ATM: variants seen among roughly 807,000 people sequenced by gnomAD.
ATM encodes the protein ATM serine/threonine kinase.
A neutral mutation model predicts 387.0 loss-of-function variants in ATM; 308 were observed. The observed-to-expected ratio is 0.80, with a 90% CI of 0.73 to 0.87. The LOEUF (loss-of-function observed/expected upper bound fraction) is 0.87. Among genes scored for constraint, ATM ranks in the 40% least tolerant of loss-of-function variants. ATM has a pLI of 0.00. For synonymous variants in ATM, 1,156 were observed against 1,187.3 expected (o/e 0.97, Z 0.54); for missense variants, 3,312 against 3,560.9 (o/e 0.93, Z 1.78).
At chr11:108,355,390 G>T in intron 61 of ATM, 1 of 168,772 alleles carries the variant, frequency 5.9e-6, no homozygotes, top group Admixed American at 5.6e-5. Context: ...ACCTGAATAG[G>T]GTTTGGGCCT....
chr11:108,344,378 G>A (rs1290502262), intron 57 of ATM, among the ~76,000 whole-genome samples: 1 of 152,148 alleles, frequency 6.6e-6, no homozygotes. Context: ...ACATGAGCAG[G>A]AAAAGACAAC....
chr11:108,336,000 T>C (rs1287277114), intron 56 of ATM, 39 bp downstream of exon 56: 9 of 1,489,062 alleles, frequency 6.0e-6, no homozygotes, highest in African/African-American at 2.8e-5. Context: ...CAAAAACATA[T>C]AAAAGATGCC....
chr11:108,277,386 G>T (rs949507498), intron 22 of ATM, among the ~76,000 whole-genome samples: 1 of 152,100 alleles, frequency 6.6e-6, no homozygotes, highest in East Asian at 1.9e-4. Flanking sequence ...GGTCCGTCTC[G>T]CTGGCGTTCC....
chr11:108,325,967 A>T, intron 46 of ATM, 91 bp from the exon 47 acceptor site: 3 of 1,482,124 alleles, frequency 2.0e-6, no homozygotes, highest in Non-Finnish European at 2.8e-6. Flanking sequence ...GTCCTCAATG[A>T]ATGGTAGTTG....
chr11:108,255,808 A>C (rs1284753612), intron 13 of ATM, among the ~76,000 whole-genome samples: 2 of 152,220 alleles, frequency 1.3e-5, no homozygotes, highest in African/African-American at 2.4e-5. Context: ...CAAGGTTCCT[A>C]TTCTTCAGAA....
Position 108,249,059 on chromosome 11 carries a change from G to A in ATM, c.1192G>A (p.Asp398Asn), listed in dbSNP as rs876658833. 1.2e-6 allele frequency: 2 copies of A among 1,613,870 alleles called. No individual in the cohort carries two copies. Among genetic ancestry groups the A allele is most frequent in the Admixed American group, 3.3e-5 (2 of 59,992 alleles). Residue 398 changes from aspartate (D) to asparagine (N), a missense_variant, in exon 9 of 63, where the codon GAT becomes AAT. Physicochemically the swap from Asp to Asn is conservative, Grantham distance 23. Transcript: ENST00000675843. ...KIELGWEVIK[D>N]HLQKSQNDFD... ...AGAACTAGGCTGGGAAGTAATAAAA[G>A]ATCACCTTCAGAAGTCACAGAATGA...
chr11:108,305,504 C>A (rs576680513), intron 37 of ATM, among the ~76,000 whole-genome samples: 3 of 152,066 alleles, frequency 2.0e-5, no homozygotes. Context: ...CACTTGAACT[C>A]AGGAGGTAGA....
rs730881322 is a variant in ATM, at chr11:108,343,249, G to C, written c.8296G>C (p.Val2766Leu). The C allele has an allele frequency of 1.9e-6, 3 of 1,614,008 alleles. No homozygotes were observed. Among genetic ancestry groups the C allele is most frequent in the Non-Finnish European group, 2.5e-6 (3 of 1,179,928 alleles). ...KVVPLSQRSG[V>L]LEWCTGTVPI... ...GGTTCCCCTCTCTCAGCGAAGTGGT[G>C]TTCTTGAATGGTGCACAGGAACTGT... Residue 2766 changes from valine to leucine, a missense_variant, in exon 57 of 63, where the codon GTT becomes CTT. Coordinates refer to ENST00000675843, the MANE Select transcript of ATM (RefSeq NM_000051.4).
At chr11:108,311,561 A>T (rs1214241454) in intron 39 of ATM, among the ~76,000 whole-genome samples, 2 of 152,082 alleles carry the variant, frequency 1.3e-5, no homozygotes, top group Admixed American at 1.3e-4. Flanking sequence ...AGCTGGGCAT[A>T]GTGGCCTGCA....
At chr11:108,301,225 C>T (rs1216178022) in intron 34 of ATM, among the ~76,000 whole-genome samples, 3 of 152,106 alleles carry the variant, frequency 2.0e-5, no homozygotes, top group Non-Finnish European at 4.4e-5. Context: ...GTGACTTCAA[C>T]TTAAGAATAC....
At chr11:108,271,769 A>G (rs2081596231) in intron 20 of ATM, among the ~76,000 whole-genome samples, 1 of 152,234 alleles carries the variant, frequency 6.6e-6, no homozygotes, top group South Asian at 2.1e-4. Flanking sequence ...TCACATTCCA[A>G]GATAACACCC....
At chr11:108,266,312 T>C (rs1184041907) in intron 16 of ATM, among the ~76,000 whole-genome samples, 2 of 151,858 alleles carry the variant, frequency 1.3e-5, no homozygotes, top group African/African-American at 2.4e-5. Flanking sequence ...CCATAAAAAA[T>C]GATGAGTTCA....
chr11:108,256,355 A>G lies in ATM; in HGVS notation c.2250+15A>G, dbSNP rs1057523706. 4.4e-6 allele frequency: 7 copies of G among 1,604,152 alleles called. No individual in the cohort carries two copies. Among genetic ancestry groups the G allele is most frequent in the South Asian group, 3.3e-5 (3 of 90,458 alleles). On this transcript the variant is annotated intron_variant, in intron 14 of 62. Transcript: ENST00000675843. ...AGAAAGCCAAGGTAGGAGAATTTAT[A>G]CTAATAAAGTTTCGGATAAATTTGA...
chr11:108,241,213 T>C (rs1172515011), intron 5 of ATM, among the ~76,000 whole-genome samples: 9 of 152,206 alleles, frequency 5.9e-5, no homozygotes, highest in Admixed American at 5.9e-4. Flanking sequence ...TCTCCTATGA[T>C]AATGGTGCTT....
At chr11:108,310,669 A>G (rs2084076240) in intron 39 of ATM, among the ~76,000 whole-genome samples, 1 of 152,122 alleles carries the variant, frequency 6.6e-6, no homozygotes, top group Admixed American at 6.6e-5. Context: ...TCCTAACTTC[A>G]GTCAGATTAG....
chr11:108,244,030 C>G lies in ATM; in HGVS notation c.574C>G (p.His192Asp), dbSNP rs587780629. The G allele has an allele frequency of 6.2e-7, 1 of 1,612,416 alleles. No individual in the cohort carries two copies. Among genetic ancestry groups the G allele is most frequent in the Non-Finnish European group, 8.5e-7 (1 of 1,179,482 alleles). The change falls in exon 6 of 63, where the codon CAT (histidine) becomes GAT (aspartate). Residue 192 changes from histidine (H) to aspartate (D), a missense_variant. Physicochemically the swap from His to Asp is moderately conservative, Grantham distance 81 (BLOSUM62 -1). Around this residue, in one of 4 missense-constraint regions of ATM, gnomAD observed 1,791 missense variants for 1,804.5 expected, o/e 0.99. Transcript: ENST00000675843. The stretch of plus-strand genomic sequence containing the variant: ...TAGAGTTTTAGTGGCTAGAATAATT[C>G]ATGCTGTTACCAAAGGATGCTGTTC... Reference protein sequence around the residue: ...VHRVLVARIIHAVTKGCCSQT... With the variant: ...VHRVLVARIIDAVTKGCCSQT...
At position 108,331,986 on chromosome 11, in the gene ATM, A is replaced by C; in HGVS notation, c.7737A>C (p.Arg2579Ser). The C allele has an allele frequency of 6.2e-7, 1 of 1,614,116 alleles. No individual in the cohort carries two copies. The highest frequency in any genetic ancestry group is 8.5e-7 in the Non-Finnish European group (1 of 1,179,974). ...TTCTGACTAAACCAGAGGTAGCCAG[A>C]AGAAGCAGAATAACTAAAAATGTGC... ...DEFLTKPEVA[R>S]RSRITKNVPK... Residue 2579 changes from arginine to serine, a missense_variant, in exon 52 of 63, where the codon AGA becomes AGC. By Grantham distance (110) the Arg-to-Ser change is moderately radical. Transcript: ENST00000675843.
intron 16 of ATM, among the ~76,000 whole-genome samples, chr11:108,260,024 T>G (rs2080763154): frequency 6.8e-6 from 1 of 147,994 alleles, no homozygotes; most frequent in African/African-American, 2.5e-5. Flanking sequence ...TGAAAGCTTA[T>G]CTGCTCTTTT....
Position 108,268,459 on chromosome 11 carries a change from TTTC to T in ATM, c.2691_2693del (p.Phe897del). On this transcript the variant is annotated inframe_deletion, in exon 18 of 63. Coordinates refer to ENST00000675843, the MANE Select transcript of ATM (RefSeq NM_000051.4). ...AATATCTGTCAAAGCAAGATCTACT[TTTC>T]TTAGACATGCTCAAGTTCTTGTGTT... 1 of 1,614,072 alleles carries T rather than the reference TTTC, an allele frequency of 6.2e-7. No homozygotes were observed. Among genetic ancestry groups the T allele is most frequent in the Non-Finnish European group, 8.5e-7 (1 of 1,180,000 alleles).
Sources: allele counts gnomAD v4.1 joint callset (sites outside exome capture counted in the v4.1 genomes callset), GRCh38; gene constraint gnomAD v4.1.1; regional missense constraint gnomAD v4.1.1; transcripts MANE v1.5; gene names NCBI Gene and HGNC (gene_info 2026-07-23, HGNC 2026-07-21).